Variants in CDH9 observed in about 807,000 individuals in gnomAD.
CDH9 encodes the protein cadherin 9.
In CDH9, 28 loss-of-function variants were observed where a neutral mutation model predicts 70.9. The observed-to-expected ratio is 0.40, with a 90% CI of 0.29 to 0.54. CDH9 has a LOEUF of 0.54. CDH9 is among the 20% of genes least tolerant of loss of function. The pLI is 0.59. For missense variants in CDH9, 874 were observed against 984.4 expected, an observed-to-expected ratio of 0.89 and a Z score of 1.50; for synonymous variants, 409 against 343.1, an observed-to-expected ratio of 1.19 and a Z score of -2.12.
At chr5:26,928,600 G>C (rs528120382) in intron 2 of CDH9, among the ~76,000 whole-genome samples, 3 of 151,988 alleles carry the variant, frequency 2.0e-5, no homozygotes, top group Non-Finnish European at 4.4e-5. Flanking sequence ...ATTATACCAC[G>C]GAGTTATAGT....
intron 2 of CDH9, among the ~76,000 whole-genome samples, chr5:26,945,303 G>A (rs1244718310): frequency 1.3e-5 from 2 of 151,260 alleles, no homozygotes; most frequent in Non-Finnish European, 2.9e-5. Flanking sequence ...GTTCTTACAA[G>A]CTTTAACTCA....
intron 7 of CDH9, among the ~76,000 whole-genome samples, chr5:26,896,523 AAT>A (rs562309791): frequency 1.5e-5 from 2 of 135,532 alleles, no homozygotes; most frequent in East Asian, 2.6e-4. Context: ...ATGAAATGAA[AAT>A]TTCATTTCAT....
chr5:26,933,802 A>G (rs957310960), intron 2 of CDH9, among the ~76,000 whole-genome samples: 2 of 151,884 alleles, frequency 1.3e-5, no homozygotes, highest in Non-Finnish European at 2.9e-5. Flanking sequence ...AAAATAAAAT[A>G]AAATAAAACA....
intron 7 of CDH9, 102 bp from the exon 8 acceptor site, chr5:26,890,666 A>T: frequency 1.3e-6 from 1 of 786,300 alleles, no homozygotes. Flanking sequence ...TGACAAAGAC[A>T]TGAAATGCAA....
At chr5:27,004,391 A>T (rs559288235) in intron 1 of CDH9, among the ~76,000 whole-genome samples, 1 of 152,262 alleles carries the variant, frequency 6.6e-6, no homozygotes, top group East Asian at 1.9e-4. Context: ...AGAGTCTTGC[A>T]ACCCATAAAT....
chr5:26,903,049 G>A (rs3811917), intron 6 of CDH9: 16,635 of 214,992 alleles, frequency 0.077, 886 homozygotes, highest in African/African-American at 0.17. Flanking sequence ...TTAAAGTTAT[G>A]CAGTTATAAT....
Position 26,881,115 on chromosome 5 carries a change from T to C in CDH9, c.*21A>G, listed in dbSNP as rs1182126618. 6.4e-7 allele frequency: 1 copy of C among 1,570,918 alleles called. No homozygotes were observed. The highest frequency in any genetic ancestry group is 1.4e-5 in the African/African-American group (1 of 73,548). ...ACATAGACAGTACTTCCACTAATAT[T>C]GATTAAGTCAAACAATCCTCTTAGT... On this transcript the variant is annotated 3_prime_UTR_variant, in exon 12 of 12. Transcript: ENST00000231021.
intron 2 of CDH9, among the ~76,000 whole-genome samples, chr5:26,944,665 A>C (rs1469834997): frequency 6.6e-6 from 1 of 152,128 alleles, no homozygotes; most frequent in African/African-American, 2.4e-5. Context: ...TAAATAGATA[A>C]ATAAATAAAA....
At chr5:26,978,513 G>A (rs1002476451) in intron 2 of CDH9, among the ~76,000 whole-genome samples, 1 of 151,680 alleles carries the variant, frequency 6.6e-6, no homozygotes, top group Non-Finnish European at 1.5e-5. Flanking sequence ...ACTATGGGAT[G>A]ATATGAAATG....
chr5:27,020,453 A>C (rs1743118189), intron 1 of CDH9, among the ~76,000 whole-genome samples: 1 of 151,666 alleles, frequency 6.6e-6, no homozygotes, highest in Admixed American at 6.6e-5. Flanking sequence ...GCAGAATAAT[A>C]AACTAAAAAA....
intron 2 of CDH9, among the ~76,000 whole-genome samples, chr5:26,964,064 T>G (rs10038591): frequency 0.032 from 4,836 of 152,150 alleles, 269 homozygotes; most frequent in African/African-American, 0.11. Context: ...TAAAAAATTG[T>G]GAAGAGTATT....
At chr5:26,993,662 G>A (rs1742617659) in intron 1 of CDH9, among the ~76,000 whole-genome samples, 1 of 112,806 alleles carries the variant, frequency 8.9e-6, no homozygotes, top group Non-Finnish European at 1.6e-5. Context: ...GGATTTCTTG[G>A]ATTTTATAGG....
intron 1 of CDH9, among the ~76,000 whole-genome samples, chr5:26,991,521 G>T (rs984716921): frequency 6.6e-6 from 1 of 152,092 alleles, no homozygotes; most frequent in East Asian, 1.9e-4. Context: ...CCTTTGTTTG[G>T]CTTCTTTTCC....
chr5:26,950,032 C>T (rs926290455), intron 2 of CDH9, among the ~76,000 whole-genome samples: 19 of 152,124 alleles, frequency 1.2e-4, no homozygotes, highest in Middle Eastern at 3.2e-3. Context: ...TGTAGTGGGA[C>T]ATCAGAGTGA....
intron 2 of CDH9, among the ~76,000 whole-genome samples, chr5:26,949,391 T>C (rs16896405): frequency 0.016 from 2,415 of 152,212 alleles, 59 homozygotes; most frequent in African/African-American, 0.055. Flanking sequence ...TAAGTTGAAA[T>C]GGGAGATACA....
intron 2 of CDH9, among the ~76,000 whole-genome samples, chr5:26,952,707 A>G (rs886840494): frequency 7.3e-5 from 11 of 150,086 alleles, no homozygotes; most frequent in African/African-American, 2.7e-4. Flanking sequence ...TCATGAAAAG[A>G]TGAAAAGTAG....
intron 2 of CDH9, among the ~76,000 whole-genome samples, chr5:26,920,610 C>A (rs1741227522): frequency 6.6e-6 from 1 of 152,070 alleles, no homozygotes; most frequent in Admixed American, 6.5e-5. Flanking sequence ...CTTGTGTCAC[C>A]CCTACCCCAG....
chr5:26,993,698 CAAAAAAAAA>C lies in CDH9; in HGVS notation c.-49-5325_-49-5317del, dbSNP rs34545141. ...CCAGCTCCCTACAGCTATTCAGCTG[CAAAAAAAAA>C]AAAAAAAAAAAAAAAGAACTATTAT... is the stretch of plus-strand genomic sequence containing the variant. On this transcript the variant is annotated intron_variant, in intron 1 of 11. Coordinates refer to ENST00000231021, the MANE Select transcript of CDH9 (RefSeq NM_016279.4). 1.8e-4 allele frequency among the ~76,000 whole-genome samples: 9 copies of C among 51,004 alleles called. No individual in the cohort carries two copies. The South Asian group carries it at 6.5e-3, about 37-fold the overall frequency. The allele number at this position is 51,004 out of a possible 152,430, so 33.5% of individuals were successfully genotyped here. A position where few individuals can be genotyped will look rare whatever the true frequency, so the allele number is the denominator to read the frequency against.
chr5:26,994,802 A>G (rs914785172), intron 1 of CDH9, among the ~76,000 whole-genome samples: 5 of 152,138 alleles, frequency 3.3e-5, no homozygotes, highest in Non-Finnish European at 7.4e-5. Context: ...TGCCAACTTG[A>G]AGACCTCCTA....
Sources: gnomAD v4.1 joint callset for allele counts (sites outside exome capture counted in the v4.1 genomes callset) on GRCh38, gnomAD v4.1.1 for gene constraint, MANE v1.5 for transcripts, NCBI Gene and HGNC (gene_info 2026-07-23, HGNC 2026-07-21) for gene names.